PTPRK: variants seen among roughly 807,000 people sequenced by gnomAD.
PTPRK encodes receptor-type tyrosine-protein phosphatase kappa.
In PTPRK, 75 loss-of-function variants were observed where a neutral mutation model predicts 178.0. That is an observed-to-expected ratio of 0.42 (90% confidence interval 0.35 to 0.51). The LOEUF is 0.51. PTPRK is among the 20% of genes least tolerant of loss of function. The pLI is 0.02. For missense variants in PTPRK, 1,441 were observed against 1,797.8 expected (o/e 0.80, Z 3.59); for synonymous variants, 637 against 620.6 (o/e 1.03, Z -0.39).
intron 10 of PTPRK, among the ~76,000 whole-genome samples, chr6:128,080,436 T>C (rs1469019203): frequency 1.3e-5 from 2 of 152,072 alleles, no homozygotes; most frequent in African/African-American, 4.8e-5. Flanking sequence ...TGGGTAAGTC[T>C]GAAGGTAGGG....
chr6:128,268,680 C>G (rs1819327692), intron 3 of PTPRK, among the ~76,000 whole-genome samples: 1 of 151,998 alleles, frequency 6.6e-6, no homozygotes, highest in African/African-American at 2.4e-5. Flanking sequence ...ATCTCTAAAA[C>G]AGAATGGCTC....
chr6:128,064,586 G>C lies in PTPRK; in HGVS notation c.2194+172C>G, dbSNP rs75971828. Among the ~76,000 whole-genome samples, 1,414 of 152,208 alleles carry C rather than the reference G, an allele frequency of 9.3e-3. 9 individuals are homozygous for C. The highest frequency in any genetic ancestry group is 0.015 in the Non-Finnish European group (1,043 of 68,008). Reference sequence around the variant, plus strand: ...ATCATAACAAGATTCCTTCAGTCAAGTACTAGAGGATGGGAAGTAGCACCC... The same window carrying C: ...ATCATAACAAGATTCCTTCAGTCAACTACTAGAGGATGGGAAGTAGCACCC... On this transcript the variant is annotated intron_variant, in intron 13 of 29. Transcript: ENST00000368226.
intron 8 of PTPRK, among the ~76,000 whole-genome samples, chr6:128,088,611 A>AC (rs1470429808): frequency 3.9e-5 from 6 of 152,158 alleles, no homozygotes; most frequent in Non-Finnish European, 8.8e-5. Context: ...CCAAAGAGTG[A>AC]CTTATTGTTA....
At chr6:128,260,128 A>G (rs1238004292) in intron 3 of PTPRK, among the ~76,000 whole-genome samples, 1 of 152,164 alleles carries the variant, frequency 6.6e-6, no homozygotes, top group Non-Finnish European at 1.5e-5. Flanking sequence ...TTAGACCTAT[A>G]GAGTATATTA....
intron 4 of PTPRK, 55 bp from the exon 5 acceptor site, chr6:128,240,205 A>G: frequency 7.8e-7 from 1 of 1,284,562 alleles, no homozygotes; most frequent in Non-Finnish European, 1.1e-6. Context: ...AAAATATGCC[A>G]TGTTACTTTT....
chr6:128,358,740 C>T (rs920091020), intron 2 of PTPRK, among the ~76,000 whole-genome samples: 7 of 152,134 alleles, frequency 4.6e-5, no homozygotes, highest in East Asian at 1.9e-4. Context: ...AACCCTTGCT[C>T]GGCTGAATGA....
Position 128,085,273 on chromosome 6 carries a change from G to A in PTPRK, c.1466-1449C>T, listed in dbSNP as rs754207450. 1.1e-4 allele frequency: 17 copies of A among 152,362 alleles called. No homozygotes were observed. In the Middle Eastern group the frequency reaches 0.01, roughly 91 times the overall value. The allele number at this position is 152,362 out of a possible 1,614,324, so 9.4% of individuals were successfully genotyped here. ...CTCCCTGCTCCACAGTACCAGCAAG[G>A]CTGTGCAGCTGATCCAGACAGAGGG... On this transcript the variant is annotated intron_variant, in intron 8 of 29. Transcript: ENST00000368226.
intron 7 of PTPRK, among the ~76,000 whole-genome samples, chr6:128,152,509 A>G (rs1222300324): frequency 1.3e-5 from 2 of 151,866 alleles, no homozygotes; most frequent in African/African-American, 4.8e-5. Flanking sequence ...GAAAGGAGAA[A>G]AACTTAGAGA....
intron 3 of PTPRK, among the ~76,000 whole-genome samples, chr6:128,271,844 A>G (rs536591580): frequency 2.6e-5 from 4 of 151,960 alleles, no homozygotes; most frequent in African/African-American, 4.8e-5. Context: ...GAGTTGGAAC[A>G]AGAGTTTTAC....
intron 13 of PTPRK, among the ~76,000 whole-genome samples, chr6:128,036,924 G>T (rs1776327855): frequency 6.6e-6 from 1 of 152,010 alleles, no homozygotes; most frequent in Non-Finnish European, 1.5e-5. Context: ...TACAGATAGG[G>T]TTTCACCACG....
chr6:128,215,846 G>T (rs768394292), intron 6 of PTPRK, among the ~76,000 whole-genome samples: 1 of 151,796 alleles, frequency 6.6e-6, no homozygotes, highest in Non-Finnish European at 1.5e-5. Context: ...ACCATCTTTT[G>T]TATCCATGTA....
At chr6:127,994,027 T>C (rs1246878169) in intron 18 of PTPRK, among the ~76,000 whole-genome samples, 1 of 151,750 alleles carries the variant, frequency 6.6e-6, no homozygotes, top group East Asian at 1.9e-4. Context: ...GATTTTTTTA[T>C]TCTAAAAATT....
At chr6:128,037,289 T>A (rs983826721) in intron 13 of PTPRK, among the ~76,000 whole-genome samples, 3 of 152,220 alleles carry the variant, frequency 2.0e-5, no homozygotes, top group African/African-American at 7.2e-5. Context: ...TATTTAAAAC[T>A]GGATTCTCCT....
chr6:128,249,337 C>A (rs1816064262), intron 3 of PTPRK, among the ~76,000 whole-genome samples: 3 of 146,684 alleles, frequency 2.0e-5, no homozygotes. Context: ...TTAATTTAAG[C>A]CCAGAAAAAG....
intron 6 of PTPRK, among the ~76,000 whole-genome samples, chr6:128,186,771 G>T (rs1802835098): frequency 6.6e-6 from 1 of 152,094 alleles, no homozygotes; most frequent in African/African-American, 2.4e-5. Context: ...TTTGTAGAGA[G>T]GGAGAAAGTT....
chr6:128,123,598 T>C (rs914435056), intron 7 of PTPRK, among the ~76,000 whole-genome samples: 2 of 152,194 alleles, frequency 1.3e-5, no homozygotes, highest in African/African-American at 4.8e-5. Context: ...TGAACCAATA[T>C]TGGTACATTA....
chr6:128,465,008 A>G (rs1478845939), intron 1 of PTPRK, among the ~76,000 whole-genome samples: 1 of 151,530 alleles, frequency 6.6e-6, no homozygotes, highest in Non-Finnish European at 1.5e-5. Flanking sequence ...ACAACCCTAC[A>G]CTATTCTGAT....
intron 1 of PTPRK, among the ~76,000 whole-genome samples, chr6:128,430,702 T>C (rs1483929978): frequency 6.6e-6 from 1 of 152,092 alleles, no homozygotes; most frequent in Admixed American, 6.5e-5. Context: ...CGTTGAAATA[T>C]AAGCAGGAAT....
intron 7 of PTPRK, among the ~76,000 whole-genome samples, chr6:128,120,778 A>G (rs2114395114): frequency 6.6e-6 from 1 of 152,074 alleles, no homozygotes; most frequent in Middle Eastern, 3.4e-3. Flanking sequence ...ACATGTACTT[A>G]ATTTCAATTG....
Sources: gnomAD v4.1 joint callset for allele counts (sites outside exome capture counted in the v4.1 genomes callset) on GRCh38, gnomAD v4.1.1 for gene constraint, MANE v1.5 for transcripts, NCBI Gene and HGNC (gene_info 2026-07-23, HGNC 2026-07-21) for gene names.